Variants in SLC26A11 observed in about 807,000 individuals in gnomAD.
SLC26A11 encodes the protein sodium-independent sulfate anion transporter.
Under a neutral mutation model 62.2 loss-of-function variants are expected in SLC26A11, and 58 were observed. The ratio of observed to expected loss-of-function variants is 0.93; its 90% confidence interval spans 0.76 to 1.16. The LOEUF is 1.16. Ranked by LOEUF, SLC26A11 falls within the 50% of genes most tolerant of loss-of-function variation. The probability of loss-of-function intolerance (pLI) is 0.00; values close to 1 mark genes in which losing one functional copy is unlikely to be tolerated. For synonymous variants in SLC26A11, 411 were observed against 368.9 expected, an observed-to-expected ratio of 1.11 and a Z score of -1.31; for missense variants, 790 against 794.3, an observed-to-expected ratio of 0.99 and a Z score of 0.06.
rs760268559 is a variant in SLC26A11 at position 80,223,359 on chromosome 17, G to T, written c.513+22G>T. 1.2e-6 allele frequency: 2 copies of T among 1,611,982 alleles called. No individual in the cohort carries two copies. The highest frequency in any genetic ancestry group is 1.3e-5 in the African/African-American group (1 of 75,006). On this transcript the variant is annotated intron_variant, in intron 5 of 17. Transcript: ENST00000361193. This position sits in a 1 kb window ranked among gnomAD's most constrained non-coding sequence, Gnocchi z 4.6. ...CAAGGTAGGCACGGCGCCCACCCAGGGCACTGCTCTTTGGCCACTGCTCGT... is the reference window on the plus strand; with the variant it reads ...CAAGGTAGGCACGGCGCCCACCCAGTGCACTGCTCTTTGGCCACTGCTCGT...
chr17:80,224,382 CGTGT>C lies in SLC26A11; in HGVS notation c.513+1049_513+1052del, dbSNP rs534632573. ...GTGAGGGAGTGTGAGTGCGCGCGCG[CGTGT>C]GTGAGTGTATGAGTGTGAGAGTGAG... On this transcript the variant is annotated intron_variant, in intron 5 of 17. Transcript: ENST00000361193. Among the ~76,000 whole-genome samples the C allele has an allele frequency of 4.2e-5, 5 of 119,496 alleles. No homozygotes were observed. The East Asian group carries it at 9.9e-4, about 24-fold the overall frequency. The allele number at this position is 119,496 out of a possible 152,430, so 78.4% of individuals were successfully genotyped here. A position where few individuals can be genotyped will look rare whatever the true frequency, so the allele number is the denominator to read the frequency against.
At chr17:80,250,672 C>A (rs889759202) in intron 16 of SLC26A11, among the ~76,000 whole-genome samples, 1 of 150,564 alleles carries the variant, frequency 6.6e-6, no homozygotes, top group Non-Finnish European at 1.5e-5. Context: ...ACTAAAAATA[C>A]AAAAATTAGA....
chr17:80,235,239 GGTTACA>G (rs1251078861), intron 7 of SLC26A11, among the ~76,000 whole-genome samples: 1 of 151,690 alleles, frequency 6.6e-6, no homozygotes, highest in East Asian at 1.9e-4. Context: ...TATGGAATTT[GGTTACA>G]GTTATTCTTT....
In SLC26A11 at chr17:80,246,125, T is replaced by A. The variant is rs1414537752; in HGVS notation, c.1098-29T>A. 8 of 1,612,936 alleles carry A rather than the reference T, an allele frequency of 5.0e-6. No homozygotes were observed. Among genetic ancestry groups the A allele is most frequent in the African/African-American group, 1.3e-5 (1 of 74,926 alleles). On this transcript the variant is annotated intron_variant, in intron 11 of 17. Transcript: ENST00000361193. The surrounding 1 kb of genome is among the most constrained non-coding windows in gnomAD (Gnocchi z 4.4). ...AGGTCTCCCTTTTCCCGGCCCCTGG[T>A]GACTGACGGTCTCTGTGTTGCCTTC...
chr17:80,238,831 T>TTTTTTTTTTTTTTTTTTTTTTTC, intron 9 of SLC26A11, among the ~76,000 whole-genome samples: 1 of 142,980 alleles, frequency 7.0e-6, no homozygotes, highest in African/African-American at 2.7e-5. Context: ...TTTTTTGTTT[T>TTTTTTTTTTTTTTTTTTTTTTTC]TTTTTTTTTT....
At chr17:80,242,378 T>C (rs2042887781) in intron 10 of SLC26A11, among the ~76,000 whole-genome samples, 1 of 152,240 alleles carries the variant, frequency 6.6e-6, no homozygotes. Context: ...TACCACTTAT[T>C]GAGCACCTGC....
chr17:80,243,394 C>CTTATTATTATTATTA (rs762787454), intron 10 of SLC26A11, among the ~76,000 whole-genome samples: 7 of 151,800 alleles, frequency 4.6e-5, no homozygotes, highest in African/African-American at 1.7e-4. Flanking sequence ...CATTACTTTA[C>CTTATTATTATTATTA]TTATTATTAT....
intron 10 of SLC26A11, among the ~76,000 whole-genome samples, chr17:80,244,223 G>C (rs1013830420): frequency 6.6e-6 from 1 of 152,204 alleles, no homozygotes; most frequent in African/African-American, 2.4e-5. Flanking sequence ...GTGGGAGCGT[G>C]GGTCAACCTG....
chr17:80,237,558 G>T lies in SLC26A11; in HGVS notation c.949G>T (p.Gly317Cys). The T allele has an allele frequency of 1.9e-6, 3 of 1,612,200 alleles. No homozygotes were observed. The highest frequency in any genetic ancestry group is 2.5e-6 in the Non-Finnish European group (3 of 1,179,368). The change falls in exon 9 of 18, where the codon GGC becomes TGC. Residue 317 changes from glycine (G) to cysteine (C), a missense_variant. Transcript: ENST00000361193. ...GAGLAVVPLM[G>C]LLESIAVAKA... ...CGGGCTGGCCGTGGTGCCCCTGATG[G>T]GCCTCCTGGAGAGCATTGCGGTGGC...
intron 17 of SLC26A11, among the ~76,000 whole-genome samples, chr17:80,251,729 C>G (rs1018403513): frequency 1.3e-5 from 2 of 151,108 alleles, no homozygotes; most frequent in Non-Finnish European, 2.9e-5. Flanking sequence ...TGCCACTGCA[C>G]TCCAGCCTGG....
At chr17:80,241,303 A>G (rs8076241) in intron 9 of SLC26A11, among the ~76,000 whole-genome samples, 1,642 of 152,314 alleles carry the variant, frequency 0.011, 25 homozygotes, top group African/African-American at 0.036. Flanking sequence ...TCTGTCGCCC[A>G]GACTGGAGTG....
intron 8 of SLC26A11, 93 bp downstream of exon 8, chr17:80,237,196 G>T: frequency 1.4e-6 from 2 of 1,447,236 alleles, no homozygotes; most frequent in African/African-American, 1.4e-5. Flanking sequence ...GTGCCAGGGG[G>T]TCTGAGGTCA....
At position 80,248,223 on chromosome 17, in the gene SLC26A11, T is replaced by C. The variant is rs1194835167; in HGVS notation, c.1388T>C (p.Met463Thr). The C allele has an allele frequency of 6.2e-7, 1 of 1,609,688 alleles. No homozygotes were observed. Among genetic ancestry groups the C allele is most frequent in the African/African-American group, 1.3e-5 (1 of 74,900 alleles). ...ILAGALVSLL[M>T]LLHSAARPET... ...GCCGGGGCCCTGGTGTCTCTGCTCATGCTCCTGCACTCTGCAGCCAGGCCT... is the reference window on the plus strand; with the variant it reads ...GCCGGGGCCCTGGTGTCTCTGCTCACGCTCCTGCACTCTGCAGCCAGGCCT... The change falls in exon 14 of 18, where the codon ATG (methionine) becomes ACG (threonine). Residue 463 changes from methionine to threonine, a missense_variant. Coordinates refer to ENST00000361193, the MANE Select transcript of SLC26A11 (RefSeq NM_001166347.2).
At chr17:80,249,956 G>C (rs73432159) in intron 16 of SLC26A11, among the ~76,000 whole-genome samples, 2,011 of 152,206 alleles carry the variant, frequency 0.013, 39 homozygotes, top group African/African-American at 0.046. Context: ...CATGAAAAAC[G>C]TATTGTCAGG....
At chr17:80,244,780 A>G (rs1045093020) in intron 10 of SLC26A11, among the ~76,000 whole-genome samples, 1 of 152,156 alleles carries the variant, frequency 6.6e-6, no homozygotes, top group Non-Finnish European at 1.5e-5. Flanking sequence ...GTTTGAGACC[A>G]GCCTGGCCAA....
rs1275278323 is a variant in SLC26A11 at position 80,246,052 on chromosome 17, C to T, written c.1098-102C>T. On this transcript the variant is annotated intron_variant, in intron 11 of 17. Transcript: ENST00000361193. This position sits in a 1 kb window ranked among gnomAD's most constrained non-coding sequence, Gnocchi z 4.4. ...GTCCCCGCCTGCTTCCCAAGCCGTGCTGGGAGCTGACGTCCCCTCGGAAGA... is the reference window on the plus strand; with the variant it reads ...GTCCCCGCCTGCTTCCCAAGCCGTGTTGGGAGCTGACGTCCCCTCGGAAGA... The T allele has an allele frequency of 1.4e-6, 2 of 1,401,022 alleles. No individual in the cohort carries two copies. Among genetic ancestry groups the T allele is most frequent in the Non-Finnish European group, 2.0e-6 (2 of 988,084 alleles). 86.8% of individuals were successfully genotyped at this position (1,401,022 alleles called of 1,614,324 possible).
chr17:80,234,581 G>A lies in SLC26A11; in HGVS notation c.737-2347G>A, dbSNP rs148475709. On this transcript the variant is annotated intron_variant, in intron 7 of 17. Transcript: ENST00000361193. The stretch of plus-strand genomic sequence containing the variant: ...TTGGAAAATAAACACCCATCTTTTC[G>A]TGAAATCTTTGTACTGTCCCCCTAT... 1.6e-3 allele frequency among the ~76,000 whole-genome samples: 244 copies of A among 151,942 alleles called. 2 individuals carry two copies. The highest frequency in any genetic ancestry group is 5.7e-3 in the African/African-American group (238 of 41,446).
chr17:80,226,175 G>A (rs2042404546), intron 6 of SLC26A11, among the ~76,000 whole-genome samples: 1 of 152,170 alleles, frequency 6.6e-6, no homozygotes, highest in South Asian at 2.1e-4. Context: ...GCTCTGGGGA[G>A]CTGGAGCAGG....
intron 9 of SLC26A11, among the ~76,000 whole-genome samples, chr17:80,240,149 C>T (rs1176728643): frequency 1.3e-5 from 2 of 152,146 alleles, no homozygotes; most frequent in Non-Finnish European, 2.9e-5. Flanking sequence ...GGGTGGATCA[C>T]AAGGTCAGGA....
Sources: allele counts gnomAD v4.1 joint callset (sites outside exome capture counted in the v4.1 genomes callset), GRCh38; gene constraint gnomAD v4.1.1; non-coding constraint Gnocchi (gnomAD v3.1); transcripts MANE v1.5; gene names NCBI Gene and HGNC (gene_info 2026-07-23, HGNC 2026-07-21).